GTPBP10: variants seen among roughly 807,000 people sequenced by gnomAD.
GTPBP10 encodes GTP-binding protein 10.
In GTPBP10, 38 loss-of-function variants were observed where a neutral mutation model predicts 44.8. That is an observed-to-expected ratio of 0.85 (90% CI 0.65 to 1.11). The LOEUF is 1.11. Ranked by LOEUF, GTPBP10 falls within the 50% of genes most tolerant of loss-of-function variation. The pLI, the probability that GTPBP10 is intolerant of heterozygous loss-of-function variation, is 0.00. For missense variants in GTPBP10, 462 were observed against 453.7 expected (o/e 1.02, Z -0.17); for synonymous variants, 152 against 150.6 (o/e 1.01, Z -0.07).
At position 90,354,551 on chromosome 7, in the gene GTPBP10, T is replaced by G; in HGVS notation, c.319+2T>G. The G allele has an allele frequency of 5.4e-6, 8 of 1,484,778 alleles. No individual in the cohort carries two copies. Among genetic ancestry groups the G allele is most frequent in the Non-Finnish European group, 7.4e-6 (8 of 1,078,932 alleles). 92.0% of individuals were successfully genotyped at this position (1,484,778 alleles called of 1,614,324 possible). The stretch of plus-strand genomic sequence containing the variant: ...CTGATGAAAATGGTAAAATTATAGG[T>G]GAGTGTACTATAACTCCAAAAGTTG... On this transcript the variant is annotated splice_donor_variant, in intron 3 of 9. Transcript: ENST00000222511. LOFTEE classifies it high-confidence loss of function.
chr7:90,349,216 T>A (rs565924493), intron 1 of GTPBP10, among the ~76,000 whole-genome samples: 146 of 152,332 alleles, frequency 9.6e-4, no homozygotes, highest in African/African-American at 3.4e-3. Context: ...CATCTTCAAT[T>A]ATGTAAACTT....
At chr7:90,356,194 C>T (rs1795897423) in intron 4 of GTPBP10, among the ~76,000 whole-genome samples, 4 of 152,118 alleles carry the variant, frequency 2.6e-5, no homozygotes, top group African/African-American at 7.2e-5. Context: ...TTTTGCCCTG[C>T]CTGACCAGCC....
intron 1 of GTPBP10, among the ~76,000 whole-genome samples, chr7:90,350,365 G>A (rs915725023): frequency 6.6e-6 from 1 of 152,172 alleles, no homozygotes; most frequent in Non-Finnish European, 1.5e-5. Flanking sequence ...ATAAACATAC[G>A]TGTGCATGTG....
In GTPBP10 at chr7:90,385,637, T is replaced by C. The variant is rs1796512010; in HGVS notation, c.*483T>C. ...CATTTTTTAAAATTATATTTAATTT[T>C]TTTATTTTGAAAGTTTTTTCACAGA... On this transcript the variant is annotated 3_prime_UTR_variant, in exon 10 of 10. Coordinates refer to ENST00000222511, the MANE Select transcript of GTPBP10 (RefSeq NM_033107.4). 6.6e-6 allele frequency: 1 copy of C among 152,278 alleles called. No individual in the cohort carries two copies. Among genetic ancestry groups the C allele is most frequent in the Non-Finnish European group, 1.5e-5 (1 of 68,070 alleles). 9.4% of individuals were successfully genotyped at this position (152,278 alleles called of 1,614,324 possible). A position where few individuals can be genotyped will look rare whatever the true frequency, so the allele number is the denominator to read the frequency against.
At chr7:90,369,344 A>T (rs1416614073) in intron 4 of GTPBP10, among the ~76,000 whole-genome samples, 1 of 152,140 alleles carries the variant, frequency 6.6e-6, no homozygotes, top group Non-Finnish European at 1.5e-5. Flanking sequence ...TCAGACAGGG[A>T]CGTTAAGGTC....
intron 4 of GTPBP10, among the ~76,000 whole-genome samples, chr7:90,357,440 G>A (rs1053825658): frequency 7.9e-5 from 12 of 152,098 alleles, no homozygotes; most frequent in African/African-American, 2.9e-4. Flanking sequence ...GGAGAAACAA[G>A]TCATTAAGAA....
intron 7 of GTPBP10, 113 bp from the exon 8 acceptor site, chr7:90,378,021 T>C: frequency 7.7e-7 from 1 of 1,298,644 alleles, no homozygotes; most frequent in Non-Finnish European, 1.0e-6. Flanking sequence ...AAGTAACAAG[T>C]AGAGTATAGA....
intron 6 of GTPBP10, among the ~76,000 whole-genome samples, chr7:90,374,699 ACTTTT>A (rs1390809982): frequency 3.3e-5 from 5 of 152,108 alleles, no homozygotes; most frequent in Non-Finnish European, 7.4e-5. Flanking sequence ...TTTTATTCCA[ACTTTT>A]CTTTTTTTGA....
chr7:90,365,088 A>C (rs1403177955), intron 4 of GTPBP10, among the ~76,000 whole-genome samples: 3 of 152,182 alleles, frequency 2.0e-5, no homozygotes, highest in Admixed American at 1.3e-4. Context: ...AAGTGAGGCA[A>C]TGCCTTGCCC....
intron 4 of GTPBP10, among the ~76,000 whole-genome samples, chr7:90,363,351 A>T (rs1796065797): frequency 6.6e-6 from 1 of 152,084 alleles, no homozygotes; most frequent in Non-Finnish European, 1.5e-5. Context: ...ATCTCTCAGC[A>T]TTTGCTTGTC....
chr7:90,368,051 G>T (rs1000496000), intron 4 of GTPBP10, among the ~76,000 whole-genome samples: 4 of 152,042 alleles, frequency 2.6e-5, no homozygotes, highest in African/African-American at 9.7e-5. Context: ...TCTTAATTTG[G>T]CTGGATATGA....
At chr7:90,369,409 A>G (rs1796210685) in intron 4 of GTPBP10, among the ~76,000 whole-genome samples, 1 of 152,180 alleles carries the variant, frequency 6.6e-6, no homozygotes, top group African/African-American at 2.4e-5. Context: ...GAGAGGTTGG[A>G]TCTAGAGAGG....
In GTPBP10 at chr7:90,379,234, G is replaced by A. The variant is rs948475181; in HGVS notation, c.777+1023G>A. ...AATCCATCCTCTTGTCTTTATCTACGCTGTTATAATCATCAGCCCTTCTTA... is the reference window on the plus strand; with the variant it reads ...AATCCATCCTCTTGTCTTTATCTACACTGTTATAATCATCAGCCCTTCTTA... On this transcript the variant is annotated intron_variant, in intron 8 of 9. Transcript: ENST00000222511. Among the ~76,000 whole-genome samples, 104 of 152,002 alleles carry A rather than the reference G, an allele frequency of 6.8e-4. 1 individual carries two copies. The highest frequency in any genetic ancestry group is 2.3e-3 in the African/African-American group (95 of 41,458).
At chr7:90,377,959 A>G (rs1815244529) in intron 7 of GTPBP10, 175 bp from the exon 8 acceptor site, 2 of 557,896 alleles carry the variant, frequency 3.6e-6, no homozygotes, top group Admixed American at 6.4e-5. Context: ...TTTTATCAGA[A>G]TAATTAAAGT....
intron 1 of GTPBP10, among the ~76,000 whole-genome samples, chr7:90,348,435 G>C (rs1795723750): frequency 6.6e-6 from 1 of 152,064 alleles, no homozygotes; most frequent in Non-Finnish European, 1.5e-5. Flanking sequence ...TATATATATA[G>C]TATATACTGT....
chr7:90,367,432 TCTA>T (rs1796157003), intron 4 of GTPBP10, among the ~76,000 whole-genome samples: 1 of 152,214 alleles, frequency 6.6e-6, no homozygotes, highest in African/African-American at 2.4e-5. Context: ...TTTGTAGCTC[TCTA>T]AGGACTTGCT....
intron 3 of GTPBP10, 62 bp downstream of exon 3, chr7:90,354,611 G>GAAACAAGAAA (rs1795858413): frequency 2.5e-6 from 2 of 801,692 alleles, no homozygotes; most frequent in African/African-American, 1.8e-5. Flanking sequence ...TGAAACAATG[G>GAAACAAGAAA]AATAGCTTCT....
At chr7:90,371,518 CTT>C (rs1796257160) in intron 4 of GTPBP10, among the ~76,000 whole-genome samples, 1 of 152,204 alleles carries the variant, frequency 6.6e-6, no homozygotes, top group Admixed American at 6.5e-5. Flanking sequence ...AAAATGAAGA[CTT>C]TGGAAAAGAA....
rs781117091 is a variant in GTPBP10 at position 90,346,809 on chromosome 7, C to A, written c.33+35C>A. 6.9e-6 allele frequency: 11 copies of A among 1,603,052 alleles called. No homozygotes were observed. In the East Asian group the frequency reaches 6.9e-5, roughly 10 times the overall value. On this transcript the variant is annotated intron_variant, in intron 1 of 9. Coordinates refer to ENST00000222511, the MANE Select transcript of GTPBP10 (RefSeq NM_033107.4). ...GGTCCCCTCAGCCTGGTCCCCTTAG[C>A]GCTGACAGCTCTGGTTCTTCTTTGC...
Sources: allele counts gnomAD v4.1 joint callset (sites outside exome capture counted in the v4.1 genomes callset), GRCh38; gene constraint gnomAD v4.1.1; transcripts MANE v1.5; gene names NCBI Gene and HGNC (gene_info 2026-07-23, HGNC 2026-07-21).